Variants in ZIM2 observed in about 807,000 individuals in gnomAD.
ZIM2 encodes the protein zinc finger protein 656.
Under a neutral mutation model 38.6 loss-of-function variants are expected in ZIM2, and 14 were observed. The observed-to-expected ratio is 0.36, with a 90% CI of 0.24 to 0.57. The LOEUF is 0.57. ZIM2 is among the 20% of genes least tolerant of loss of function. The pLI, the probability that ZIM2 is intolerant of heterozygous loss-of-function variation, is 0.81. For missense variants in ZIM2, 680 were observed against 695.1 expected (o/e 0.98, Z 0.24); for synonymous variants, 247 against 245.8 (o/e 1.00, Z -0.04).
intron 9 of ZIM2, chr19:56,812,172 A>G (rs1234083910): frequency 1.0e-6 from 1 of 978,854 alleles, no homozygotes; most frequent in Non-Finnish European, 1.2e-6. Flanking sequence ...AGGCCAAAAA[A>G]AATTTCTTAA....
chr19:56,839,795 C>A (rs1392596673), intron 1 of ZIM2, among the ~76,000 whole-genome samples: 8 of 152,254 alleles, frequency 5.3e-5, no homozygotes, highest in Non-Finnish European at 8.8e-5. Flanking sequence ...AAACCTCAGC[C>A]ACCCTCATAA....
At position 56,816,352 on chromosome 19, in the gene ZIM2, C is replaced by T. The variant is rs145446759; in HGVS notation, c.490+1394G>A. The T allele has an allele frequency of 4.3e-6, 7 of 1,614,040 alleles. No homozygotes were observed. The South Asian group carries it at 5.5e-5, about 13-fold the overall frequency. ...TTTCTGATGCTCACTGAGCTCTGAG[C>T]TTTGCATGAAGGCATCCCGGCCATC... is the stretch of plus-strand genomic sequence containing the variant. On this transcript the variant is annotated intron_variant, in intron 9 of 12. Transcript: ENST00000629319.
At chr19:56,788,408 C>T (rs7246052) in intron 10 of ZIM2, among the ~76,000 whole-genome samples, 34,112 of 151,960 alleles carry the variant, frequency 0.22, 4,586 homozygotes, top group Non-Finnish European at 0.31. Context: ...TATAATCGTG[C>T]GGTTTTGAGT....
chr19:56,836,177 C>A (rs2062080407), intron 1 of ZIM2, 73 bp from the exon 2 acceptor site: 14 of 414,120 alleles, frequency 3.4e-5, no homozygotes, highest in South Asian at 2.2e-4. Flanking sequence ...GGGAACAATA[C>A]CACAACAGTT....
In ZIM2 at chr19:56,824,710, G is replaced by A. The variant is rs904342890; in HGVS notation, c.-150-283C>T. The A allele has an allele frequency of 1.5e-5, 23 of 1,508,578 alleles. No individual in the cohort carries two copies. The Middle Eastern group carries it at 5.4e-4, about 35-fold the overall frequency. The allele number at this position is 1,508,578 out of a possible 1,614,324, so 93.4% of individuals were successfully genotyped here. ...CCAAACATGAGTCAACAGGAAAGACGCGGCAGCCTGTGACCGTCAGTACTC... is the reference window on the plus strand; with the variant it reads ...CCAAACATGAGTCAACAGGAAAGACACGGCAGCCTGTGACCGTCAGTACTC... On this transcript the variant is annotated intron_variant, in intron 3 of 12. Transcript: ENST00000629319.
chr19:56,815,748 A>T (rs1331384038), intron 9 of ZIM2: 1 of 1,613,942 alleles, frequency 6.2e-7, no homozygotes, highest in Non-Finnish European at 8.5e-7. Context: ...CACGGAATAC[A>T]CTCTGTATGA....
intron 1 of ZIM2, among the ~76,000 whole-genome samples, chr19:56,836,601 T>G (rs1212276136): frequency 6.6e-6 from 1 of 152,204 alleles, no homozygotes; most frequent in Non-Finnish European, 1.5e-5. Flanking sequence ...GGGAAGGACC[T>G]TCATGATTAT....
intron 9 of ZIM2, among the ~76,000 whole-genome samples, chr19:56,809,354 T>C (rs964855888): frequency 1.3e-5 from 2 of 152,152 alleles, no homozygotes; most frequent in East Asian, 3.8e-4. Context: ...AATCCAATCA[T>C]GTGACATGAA....
At chr19:56,788,143 G>A (rs1027192112) in intron 10 of ZIM2, among the ~76,000 whole-genome samples, 4 of 150,336 alleles carry the variant, frequency 2.7e-5, no homozygotes, top group African/African-American at 9.8e-5. Context: ...CTTGTCTTCT[G>A]TTAACTTTTG....
intron 9 of ZIM2, chr19:56,817,334 C>T (rs1331003841): frequency 1.2e-6 from 2 of 1,614,082 alleles, no homozygotes; most frequent in East Asian, 2.2e-5. Context: ...CCCCTAAATG[C>T]ATTCCCTTCA....
intron 9 of ZIM2, chr19:56,793,292 T>C (rs1439043966): frequency 1.3e-5 from 2 of 152,648 alleles, no homozygotes; most frequent in Non-Finnish European, 2.9e-5. Context: ...TCTAGTTTCT[T>C]CTCTTGACCA....
intron 10 of ZIM2, among the ~76,000 whole-genome samples, chr19:56,786,420 A>C (rs568044545): frequency 6.6e-6 from 1 of 152,324 alleles, no homozygotes; most frequent in South Asian, 2.1e-4. Context: ...GTGAATAAAC[A>C]AACAGATGAT....
intron 2 of ZIM2, among the ~76,000 whole-genome samples, chr19:56,830,328 T>C (rs2061459150): frequency 6.6e-6 from 1 of 152,186 alleles, no homozygotes; most frequent in Non-Finnish European, 1.5e-5. Flanking sequence ...CAGGGTAAAC[T>C]GTTACATAAA....
chr19:56,833,803 G>C (rs1317385979), intron 2 of ZIM2: 1 of 152,514 alleles, frequency 6.6e-6, no homozygotes, highest in Non-Finnish European at 1.5e-5. Flanking sequence ...GACTTTAGAG[G>C]GAAAATTTTA....
chr19:56,817,019 T>C, intron 9 of ZIM2: 2 of 1,614,094 alleles, frequency 1.2e-6, no homozygotes, highest in Non-Finnish European at 1.7e-6. Context: ...TTCTCTCTAG[T>C]ATGCATGATC....
At chr19:56,808,641 A>C (rs2047888035) in intron 9 of ZIM2, among the ~76,000 whole-genome samples, 1 of 152,174 alleles carries the variant, frequency 6.6e-6, no homozygotes, top group Non-Finnish European at 1.5e-5. Context: ...GCTAGCCTGC[A>C]GACAGTGTAT....
At chr19:56,806,639 G>C (rs571382649) in intron 9 of ZIM2, among the ~76,000 whole-genome samples, 1 of 152,168 alleles carries the variant, frequency 6.6e-6, no homozygotes, top group Non-Finnish European at 1.5e-5. Context: ...CTTCCTCCCC[G>C]TACATACTGC....
Position 56,822,789 on chromosome 19 carries a change from G to C in ZIM2, c.154C>G (p.Arg52Gly). ...TTCCTGGTGTGGGACCAGCGGTCTCGTGGCTCCATGTCTCTGCTTCTGCCC... is the reference window on the plus strand; with the variant it reads ...TTCCTGGTGTGGGACCAGCGGTCTCCTGGCTCCATGTCTCTGCTTCTGCCC... ...RRGRSRDMEP[R>G]DRWSHTRNPR... Residue 52 changes from arginine to glycine, a missense_variant, in exon 6 of 13, where the codon CGA (arginine) becomes GGA (glycine). Coordinates refer to ENST00000629319, the MANE Select transcript of ZIM2 (RefSeq NM_001387356.1). 6.2e-7 allele frequency: 1 copy of C among 1,614,122 alleles called. No individual in the cohort carries two copies. Among genetic ancestry groups the C allele is most frequent in the Non-Finnish European group, 8.5e-7 (1 of 1,180,030 alleles).
At position 56,823,594 on chromosome 19, in the gene ZIM2, G is replaced by T; in HGVS notation, c.102C>A (p.Phe34Leu). The change falls in exon 5 of 13, where the codon TTC (phenylalanine) becomes TTA (leucine). Residue 34 changes from phenylalanine (F) to leucine (L), a missense_variant. By Grantham distance (22) the Phe-to-Leu change is conservative. Coordinates refer to ENST00000629319, the MANE Select transcript of ZIM2 (RefSeq NM_001387356.1). Reference sequence around the variant, plus strand: ...CCAGTGGGGATGGGTACTCACCACTGAAAGAATGGACTGAGTGAGGTGGTG... The same window carrying T: ...CCAGTGGGGATGGGTACTCACCACTTAAAGAATGGACTGAGTGAGGTGGTG... ...ESSPPHSVHSFSGDRDWDRRG... is the reference protein window; with the variant it reads ...ESSPPHSVHSLSGDRDWDRRG... 1 of 1,614,144 alleles carries T rather than the reference G, an allele frequency of 6.2e-7. No homozygotes were observed. The highest frequency in any genetic ancestry group is 1.1e-5 in the South Asian group (1 of 91,086).
Sources: allele counts gnomAD v4.1 joint callset (sites outside exome capture counted in the v4.1 genomes callset), GRCh38; gene constraint gnomAD v4.1.1; transcripts MANE v1.5; gene names NCBI Gene and HGNC (gene_info 2026-07-23, HGNC 2026-07-21).